FOXP2: variants seen among roughly 807,000 people sequenced by gnomAD.
FOXP2 encodes the protein forkhead box protein P2.
A neutral mutation model predicts 115.8 loss-of-function variants in FOXP2; 12 were observed. That is an observed-to-expected ratio of 0.10 (90% CI 0.07 to 0.17). The LOEUF (loss-of-function observed/expected upper bound fraction) is 0.17. Ranked by LOEUF, FOXP2 falls within the 10% of genes least tolerant of loss-of-function variation. The pLI, the probability that FOXP2 is intolerant of heterozygous loss-of-function variation, is 1.00. For synonymous variants in FOXP2, 328 were observed against 297.7 expected (o/e 1.10, Z -1.05); for missense variants, 629 against 843.5 (o/e 0.75, Z 3.15).
chr7:114,617,765 C>T (rs1363521431), intron 3 of FOXP2, among the ~76,000 whole-genome samples: 1 of 152,182 alleles, frequency 6.6e-6, no homozygotes, highest in African/African-American at 2.4e-5. Context: ...TGCACTCCAG[C>T]CTGGGCAACA....
intron 2 of FOXP2, among the ~76,000 whole-genome samples, chr7:114,534,294 G>A (rs1226210095): frequency 8.3e-6 from 1 of 119,806 alleles, no homozygotes; most frequent in Non-Finnish European, 1.9e-5. Flanking sequence ...AAAAGGGAGT[G>A]GGCATTTTAG....
intron 2 of FOXP2, among the ~76,000 whole-genome samples, chr7:114,512,989 G>A (rs557583268): frequency 7.2e-5 from 11 of 152,234 alleles, no homozygotes; most frequent in African/African-American, 2.6e-4. Flanking sequence ...GGCTGAGGCA[G>A]GAGAATCACT....
chr7:114,491,154 C>T (rs1797031910), intron 2 of FOXP2, among the ~76,000 whole-genome samples: 1 of 152,204 alleles, frequency 6.6e-6, no homozygotes, highest in African/African-American at 2.4e-5. Flanking sequence ...TCTCCACATC[C>T]TCTCCAGCAC....
At chr7:114,652,417 A>C in intron 9 of FOXP2, 127 bp downstream of exon 9, 4 of 787,768 alleles carry the variant, frequency 5.1e-6, no homozygotes, top group Non-Finnish European at 8.7e-6. Context: ...ATGGAGATAC[A>C]TGATATTTTA....
chr7:114,214,677 C>G (rs551495838), intron 1 of FOXP2, among the ~76,000 whole-genome samples: 3 of 152,194 alleles, frequency 2.0e-5, no homozygotes, highest in Non-Finnish European at 2.9e-5. Context: ...CTGCTGGGGT[C>G]GTTGCTCAGT....
chr7:114,506,845 A>G (rs977711800), intron 2 of FOXP2, among the ~76,000 whole-genome samples: 1 of 151,802 alleles, frequency 6.6e-6, no homozygotes, highest in African/African-American at 2.4e-5. Flanking sequence ...GTGATGGAAC[A>G]TTGAATGTAA....
At chr7:114,537,046 A>G (rs532654658) in intron 3 of FOXP2, among the ~76,000 whole-genome samples, 2 of 151,668 alleles carry the variant, frequency 1.3e-5, no homozygotes, top group East Asian at 1.9e-4. Flanking sequence ...TTATCCTTGT[A>G]TCTTCAAATA....
chr7:114,570,999 T>C, intron 3 of FOXP2: 1 of 867,252 alleles, frequency 1.2e-6, no homozygotes, highest in East Asian at 2.5e-5. Context: ...GTGCAGATAA[T>C]CAAGATACAA....
intron 1 of FOXP2, among the ~76,000 whole-genome samples, chr7:114,120,079 T>C (rs910924365): frequency 2.0e-5 from 3 of 152,146 alleles, no homozygotes; most frequent in African/African-American, 7.2e-5. Context: ...CTTTTCTACT[T>C]GAGGATAGTA....
chr7:114,467,965 C>T (rs1317102293), intron 2 of FOXP2, among the ~76,000 whole-genome samples: 3 of 152,110 alleles, frequency 2.0e-5, no homozygotes, highest in East Asian at 1.9e-4. Flanking sequence ...TTAAATGCTA[C>T]TCGTCCCCAA....
At chr7:114,113,126 G>C (rs1266768305) in intron 1 of FOXP2, among the ~76,000 whole-genome samples, 1 of 152,142 alleles carries the variant, frequency 6.6e-6, no homozygotes, top group Non-Finnish European at 1.5e-5. Context: ...ATGATTTGTA[G>C]TCTCTTTAGT....
intron 2 of FOXP2, among the ~76,000 whole-genome samples, chr7:114,303,159 C>A (rs182881668): frequency 0.023 from 3,503 of 152,164 alleles, 87 homozygotes; most frequent in African/African-American, 0.055. Flanking sequence ...AATTTTGAAT[C>A]ATTGAAATAA....
intron 3 of FOXP2, among the ~76,000 whole-genome samples, chr7:114,563,891 G>C (rs1346855893): frequency 6.7e-6 from 1 of 150,344 alleles, no homozygotes; most frequent in Non-Finnish European, 1.5e-5. Flanking sequence ...TCTCACTCAG[G>C]TAATCGTCAA....
chr7:114,442,742 G>A (rs553558689), intron 2 of FOXP2, among the ~76,000 whole-genome samples: 7 of 152,226 alleles, frequency 4.6e-5, no homozygotes, highest in East Asian at 1.9e-4. Context: ...GATTACAGAC[G>A]TCAGCAGCCA....
chr7:114,400,413 A>G (rs2129196400), intron 2 of FOXP2, among the ~76,000 whole-genome samples: 1 of 152,288 alleles, frequency 6.6e-6, no homozygotes, highest in Admixed American at 6.5e-5. Context: ...AAAATAAAAT[A>G]TAGATTCAAA....
chr7:114,200,914 G>A (rs1794044169), intron 1 of FOXP2, among the ~76,000 whole-genome samples: 1 of 152,188 alleles, frequency 6.6e-6, no homozygotes, highest in South Asian at 2.1e-4. Flanking sequence ...CAGCACTTTG[G>A]GAGGCTGAGG....
intron 1 of FOXP2, among the ~76,000 whole-genome samples, chr7:114,114,102 A>G (rs1220336686): frequency 6.6e-6 from 1 of 151,988 alleles, no homozygotes; most frequent in Non-Finnish European, 1.5e-5. Context: ...CAGTATAGAA[A>G]GTCAAAATGA....
intron 2 of FOXP2, among the ~76,000 whole-genome samples, chr7:114,333,925 C>T (rs538646330): frequency 1.9e-4 from 29 of 151,036 alleles, no homozygotes; most frequent in South Asian, 6.3e-4. Context: ...ATACTTGGTG[C>T]GGAAAAAAGT....
At chr7:114,111,560 G>A (rs1791268140) in intron 1 of FOXP2, among the ~76,000 whole-genome samples, 1 of 152,046 alleles carries the variant, frequency 6.6e-6, no homozygotes, top group Admixed American at 6.6e-5. Context: ...CCAGCTACAG[G>A]AACTTTTAAG....
Sources: allele counts gnomAD v4.1 joint callset (sites outside exome capture counted in the v4.1 genomes callset), GRCh38; gene constraint gnomAD v4.1.1; transcripts MANE v1.5; gene names NCBI Gene and HGNC (gene_info 2026-07-23, HGNC 2026-07-21).